Variants in IGSF21 observed in about 807,000 individuals in gnomAD.
The protein encoded by IGSF21 is immunoglobin superfamily member 21, also known as immunoglobulin superfamily member 21.
A neutral mutation model predicts 46.8 loss-of-function variants in IGSF21; 28 were observed. The ratio of observed to expected loss-of-function variants is 0.60; its 90% CI spans 0.44 to 0.82. The LOEUF (loss-of-function observed/expected upper bound fraction) is 0.82. Ranked by LOEUF, IGSF21 falls within the 40% of genes least tolerant of loss-of-function variation. The pLI is 0.00. For missense variants in IGSF21, 624 were observed against 665.5 expected, an observed-to-expected ratio of 0.94 and a Z score of 0.69; for synonymous variants, 284 against 273.6, an observed-to-expected ratio of 1.04 and a Z score of -0.38.
At chr1:18,174,991 C>T (rs1203363230) in intron 1 of IGSF21, among the ~76,000 whole-genome samples, 2 of 152,190 alleles carry the variant, frequency 1.3e-5, no homozygotes, top group Non-Finnish European at 2.9e-5. Context: ...GAGGTGGGAC[C>T]GTTCACTGCC....
intron 6 of IGSF21, among the ~76,000 whole-genome samples, chr1:18,369,119 G>A (rs1282903960): frequency 6.6e-6 from 1 of 152,180 alleles, no homozygotes; most frequent in Non-Finnish European, 1.5e-5. Flanking sequence ...TTTGGGGCAT[G>A]GGGGACACAG....
intron 2 of IGSF21, among the ~76,000 whole-genome samples, chr1:18,277,331 C>T (rs1299059187): frequency 1.3e-5 from 2 of 152,158 alleles, no homozygotes; most frequent in Non-Finnish European, 2.9e-5. Context: ...CAGTGCCAGG[C>T]ACGGAGCACT....
intron 1 of IGSF21, among the ~76,000 whole-genome samples, chr1:18,157,734 CTT>C (rs778619022): frequency 6.0e-4 from 91 of 152,316 alleles, no homozygotes; most frequent in Admixed American, 1.1e-3. Flanking sequence ...GGTTAAATAA[CTT>C]TCCCAGGGTC....
chr1:18,149,819 T>G (rs925753561), intron 1 of IGSF21, among the ~76,000 whole-genome samples: 2 of 152,118 alleles, frequency 1.3e-5, no homozygotes, highest in Non-Finnish European at 2.9e-5. Flanking sequence ...AAAATGAGAA[T>G]CATTCATGTC....
chr1:18,255,950 T>C (rs145835845), intron 2 of IGSF21, among the ~76,000 whole-genome samples: 6 of 152,288 alleles, frequency 3.9e-5, no homozygotes, highest in Admixed American at 2.0e-4. Flanking sequence ...TCTGATGGTG[T>C]CATTTCACTG....
At chr1:18,176,818 T>TGGGGATTA (rs1405894609) in intron 1 of IGSF21, among the ~76,000 whole-genome samples, 1 of 152,144 alleles carries the variant, frequency 6.6e-6, no homozygotes, top group African/African-American at 2.4e-5. Flanking sequence ...TCAGCTCCCT[T>TGGGGATTA]GGGGATTAGG....
chr1:18,149,317 C>T (rs1273962667), intron 1 of IGSF21, among the ~76,000 whole-genome samples: 1 of 152,142 alleles, frequency 6.6e-6, no homozygotes, highest in African/African-American at 2.4e-5. Flanking sequence ...GGGACAGTCT[C>T]CGAGGCTTCG....
At chr1:18,252,507 T>A (rs2084852815) in intron 2 of IGSF21, among the ~76,000 whole-genome samples, 1 of 152,254 alleles carries the variant, frequency 6.6e-6, no homozygotes, top group East Asian at 1.9e-4. Flanking sequence ...AGTCGACATC[T>A]AAGCAGGGGC....
intron 6 of IGSF21, among the ~76,000 whole-genome samples, chr1:18,366,665 T>C (rs2086168221): frequency 6.6e-6 from 1 of 152,140 alleles, no homozygotes; most frequent in Non-Finnish European, 1.5e-5. Context: ...AGGATATCAC[T>C]CCGGCTTACA....
At position 18,362,213 on chromosome 1, in the gene IGSF21, G is replaced by A; in HGVS notation, c.523G>A (p.Gly175Arg). Reference sequence around the variant, plus strand: ...CACGCTGGTCTGCATCGTGTCTGGAGGAAAACCAGCACCCATGGTGAGTAC... The same window carrying A: ...CACGCTGGTCTGCATCGTGTCTGGAAGAAAACCAGCACCCATGGTGAGTAC... ...NFTLVCIVSGGKPAPMVYFKR... is the reference protein window; with the variant it reads ...NFTLVCIVSGRKPAPMVYFKR... Residue 175 changes from glycine (G) to arginine (R), a missense_variant, in exon 5 of 10, where the codon GGA becomes AGA. Gly to Arg is a moderately radical substitution (Grantham distance 125). Coordinates refer to ENST00000251296, the MANE Select transcript of IGSF21 (RefSeq NM_032880.5). 1 of 1,612,236 alleles carries A rather than the reference G, an allele frequency of 6.2e-7. No homozygotes were observed. Among genetic ancestry groups the A allele is most frequent in the Non-Finnish European group, 8.5e-7 (1 of 1,179,206 alleles).
intron 1 of IGSF21, among the ~76,000 whole-genome samples, chr1:18,221,525 G>A (rs2084510283): frequency 6.6e-6 from 1 of 152,116 alleles, no homozygotes; most frequent in South Asian, 2.1e-4. Context: ...GAGAGTTCCT[G>A]GGTGTAGGAG....
At chr1:18,182,404 C>T (rs1323649430) in intron 1 of IGSF21, among the ~76,000 whole-genome samples, 1 of 152,102 alleles carries the variant, frequency 6.6e-6, no homozygotes, top group Non-Finnish European at 1.5e-5. Flanking sequence ...GTCTTGAACT[C>T]CTAACCTCAG....
At position 18,108,108 on chromosome 1, in the gene IGSF21, C is replaced by A. The variant is rs1191495181; in HGVS notation, c.-21C>A. 4 of 1,273,672 alleles carry A rather than the reference C, an allele frequency of 3.1e-6. No individual in the cohort carries two copies. Among genetic ancestry groups the A allele is most frequent in the Non-Finnish European group, 4.1e-6 (4 of 967,066 alleles). 78.9% of individuals were successfully genotyped at this position (1,273,672 alleles called of 1,614,324 possible). A position where few individuals can be genotyped will look rare whatever the true frequency, so the allele number is the denominator to read the frequency against. On this transcript the variant is annotated 5_prime_UTR_variant, in exon 1 of 10. Coordinates refer to ENST00000251296, the MANE Select transcript of IGSF21 (RefSeq NM_032880.5). The stretch of plus-strand genomic sequence containing the variant: ...GCCTCCACCCCCGCCGCCCCGCCAC[C>A]GCCGCCAGCTCCCGGGCACCATGCG...
intron 3 of IGSF21, among the ~76,000 whole-genome samples, chr1:18,302,682 T>C (rs1295755845): frequency 6.6e-6 from 1 of 152,104 alleles, no homozygotes; most frequent in African/African-American, 2.4e-5. Context: ...CCCTCTGTGG[T>C]CCTCAAATCT....
rs74059409 is a variant in IGSF21, at chr1:18,118,961, G to A, written c.70+10763G>A. On this transcript the variant is annotated intron_variant, in intron 1 of 9. Transcript: ENST00000251296. Reference sequence around the variant, plus strand: ...TTTCCTTCTTTCCTTGTCTGATTGAGGAACTGAATTTTGTTGAAATCAGCT... The same window carrying A: ...TTTCCTTCTTTCCTTGTCTGATTGAAGAACTGAATTTTGTTGAAATCAGCT... Among the ~76,000 whole-genome samples, 382 of 132,200 alleles carry A rather than the reference G, an allele frequency of 2.9e-3. 1 individual carries two copies. The highest frequency in any genetic ancestry group is 9.4e-3 in the African/African-American group (327 of 34,972). 86.7% of individuals were successfully genotyped at this position (132,200 alleles called of 152,430 possible). A position where few individuals can be genotyped will look rare whatever the true frequency, so the allele number is the denominator to read the frequency against.
At chr1:18,235,919 T>C (rs537025205) in intron 2 of IGSF21, among the ~76,000 whole-genome samples, 64 of 151,944 alleles carry the variant, frequency 4.2e-4, no homozygotes, top group African/African-American at 1.4e-3. Context: ...GTAGTGGAGA[T>C]GATGGAAGGG....
intron 1 of IGSF21, among the ~76,000 whole-genome samples, chr1:18,201,123 G>A (rs1391812468): frequency 6.6e-6 from 1 of 152,188 alleles, no homozygotes; most frequent in East Asian, 1.9e-4. Flanking sequence ...GGCATTCTGG[G>A]TAGAGGAAGG....
At chr1:18,368,721 C>T (rs2086193595) in intron 6 of IGSF21, among the ~76,000 whole-genome samples, 1 of 152,112 alleles carries the variant, frequency 6.6e-6, no homozygotes, top group South Asian at 2.1e-4. Flanking sequence ...CACCCTTTAC[C>T]TGGTTGCTTC....
At chr1:18,145,032 A>G (rs2086452626) in intron 1 of IGSF21, among the ~76,000 whole-genome samples, 1 of 152,100 alleles carries the variant, frequency 6.6e-6, no homozygotes, top group Admixed American at 6.5e-5. Context: ...TATTATTCCA[A>G]AAGTAATACC....
Sources: allele counts gnomAD v4.1 joint callset (sites outside exome capture counted in the v4.1 genomes callset), GRCh38; gene constraint gnomAD v4.1.1; transcripts MANE v1.5; gene names NCBI Gene and HGNC (gene_info 2026-07-23, HGNC 2026-07-21).